Variants in DCLRE1A observed in about 807,000 individuals in gnomAD.
DCLRE1A encodes DNA cross-link repair 1A, also known as DNA cross-link repair 1A protein.
DCLRE1A carries 64 observed loss-of-function variants against 91.9 expected under a neutral mutation model. That is an observed-to-expected ratio of 0.70 (90% confidence interval 0.57 to 0.86). The LOEUF (loss-of-function observed/expected upper bound fraction) is 0.86. DCLRE1A is among the 40% of genes least tolerant of loss of function. The probability of loss-of-function intolerance (pLI) is 0.00; values close to 1 mark genes in which losing one functional copy is unlikely to be tolerated. For synonymous variants in DCLRE1A, 416 were observed against 431.1 expected, an observed-to-expected ratio of 0.96 and a Z score of 0.43; for missense variants, 1,145 against 1,213.3, an observed-to-expected ratio of 0.94 and a Z score of 0.84.
intron 8 of DCLRE1A, 97 bp downstream of exon 8, chr10:113,836,965 G>T: frequency 9.6e-7 from 1 of 1,045,808 alleles, no homozygotes; most frequent in Non-Finnish European, 1.3e-6. Context: ...TAAATTCTTT[G>T]GTGCCTGTTT....
intron 1 of DCLRE1A, 68 bp downstream of exon 1, chr10:113,852,655 T>C: frequency 8.4e-6 from 12 of 1,429,772 alleles, no homozygotes; most frequent in Non-Finnish European, 1.1e-5. Flanking sequence ...TTTCACTGAA[T>C]TGGTATGTCT....
chr10:113,848,180 T>G (rs17235122), intron 2 of DCLRE1A, among the ~76,000 whole-genome samples: 2,635 of 151,816 alleles, frequency 0.017, 67 homozygotes, highest in African/African-American at 0.058. Context: ...AGCCGGGCGT[T>G]GTGGCGGGTG....
intron 3 of DCLRE1A, among the ~76,000 whole-genome samples, 159 bp downstream of exon 3, chr10:113,847,043 C>A (rs1845549365): frequency 6.6e-6 from 1 of 152,154 alleles, no homozygotes; most frequent in Non-Finnish European, 1.5e-5. Context: ...AACTTGACAT[C>A]AACTCGTTTT....
chr10:113,841,893 G>T (rs1845451582), intron 6 of DCLRE1A, among the ~76,000 whole-genome samples: 1 of 152,070 alleles, frequency 6.6e-6, no homozygotes, highest in African/African-American at 2.4e-5. Context: ...GATATAATGT[G>T]GCCATACGTA....
chr10:113,835,149 T>G lies in DCLRE1A; in HGVS notation c.*3A>C. On this transcript the variant is annotated 3_prime_UTR_variant, in exon 9 of 9. Transcript: ENST00000361384. ...AACTACTACTGAATCCTCGGAGGTA[T>G]CATCAATATCCAGCTTCCAATTTCC... 6.2e-7 allele frequency: 1 copy of G among 1,612,536 alleles called. No individual in the cohort carries two copies. Among genetic ancestry groups the G allele is most frequent in the East Asian group, 2.2e-5 (1 of 44,840 alleles).
Position 113,845,795 on chromosome 10 carries a change from G to T in DCLRE1A, c.2268C>A (p.Gly756=). Residue 756 remains glycine, a synonymous_variant, in exon 4 of 9, where the codon GGC becomes GGA. Coordinates refer to ENST00000361384, the MANE Select transcript of DCLRE1A (RefSeq NM_014881.5). ...CATGAAGCTTGTTCTTCAACAAATT[G>T]CCAGTTATCTGCAAAACAGGACGTG... ...TFPVYCSEIT[G]NLLKNKLHVQ... The T allele has an allele frequency of 6.2e-7, 1 of 1,613,882 alleles. No homozygotes were observed. Among genetic ancestry groups the T allele is most frequent in the Non-Finnish European group, 8.5e-7 (1 of 1,179,832 alleles).
intron 2 of DCLRE1A, among the ~76,000 whole-genome samples, chr10:113,847,804 C>A (rs909078855): frequency 6.6e-6 from 1 of 151,064 alleles, no homozygotes; most frequent in Non-Finnish European, 1.5e-5. Flanking sequence ...TTTTGCTGCA[C>A]AGTCGAACTA....
chr10:113,850,107 C>T lies in DCLRE1A; in HGVS notation c.998G>A (p.Ser333Asn), dbSNP rs1161946655. Residue 333 changes from serine to asparagine, a missense_variant, in exon 2 of 9, where the codon AGC (serine) becomes AAC (asparagine). Coordinates refer to ENST00000361384, the MANE Select transcript of DCLRE1A (RefSeq NM_014881.5). ...ACAGCTGTCATCATCTTCTTCGAGG[C>T]TGCCATCTTTTGAGCTTTCGGTAAA... ...LFFTESSKDGSLEEDDDSCGF... is the reference protein window; with the variant it reads ...LFFTESSKDGNLEEDDDSCGF... 1 of 1,614,006 alleles carries T rather than the reference C, an allele frequency of 6.2e-7. No individual in the cohort carries two copies.
At chr10:113,852,152 C>T (rs1048778054) in intron 1 of DCLRE1A, among the ~76,000 whole-genome samples, 1 of 152,130 alleles carries the variant, frequency 6.6e-6, no homozygotes, top group Non-Finnish European at 1.5e-5. Flanking sequence ...CTGGCTAACA[C>T]GGCGAAACCC....
intron 7 of DCLRE1A, among the ~76,000 whole-genome samples, chr10:113,839,324 CAAAAAAAAAAAA>C (rs35405311): frequency 1.1e-4 from 7 of 61,240 alleles, no homozygotes; most frequent in African/African-American, 1.5e-4. Flanking sequence ...GACCCTGTCT[CAAAAAAAAAAAA>C]AAAAAAAAAA....
intron 4 of DCLRE1A, among the ~76,000 whole-genome samples, chr10:113,844,558 T>C (rs1333492761): frequency 6.6e-6 from 1 of 152,234 alleles, no homozygotes; most frequent in Non-Finnish European, 1.5e-5. Flanking sequence ...GACTGTTTTG[T>C]ATGCCTGAGA....
chr10:113,835,079 C>T lies in DCLRE1A; in HGVS notation c.*73G>A, dbSNP rs1293620219. 5.7e-6 allele frequency: 8 copies of T among 1,415,918 alleles called. No individual in the cohort carries two copies. In the East Asian group the frequency reaches 1.2e-4, roughly 21 times the overall value. The allele number at this position is 1,415,918 out of a possible 1,614,324, so 87.7% of individuals were successfully genotyped here. A position where few individuals can be genotyped will look rare whatever the true frequency, so the allele number is the denominator to read the frequency against. On this transcript the variant is annotated 3_prime_UTR_variant, in exon 9 of 9. Transcript: ENST00000361384. ...GTTTTTCCACACAAAGTGTATTTCA[C>T]ATTTCTATAGATTTAACTACTAACA...
rs1845684737 is a variant in DCLRE1A at position 113,853,013 on chromosome 10, G to C, written c.170C>G (p.Ala57Gly). Reference sequence around the variant, plus strand: ...CACTTCATGGTCCTTCACCTCTTTAGCTTCTGCGGCTCTTTTTCTGTTTCT... The same window carrying C: ...CACTTCATGGTCCTTCACCTCTTTACCTTCTGCGGCTCTTTTTCTGTTTCT... Reference protein sequence around the residue: ...RSRNRKRAAEAKEVKDHEVPL... With the variant: ...RSRNRKRAAEGKEVKDHEVPL... The change falls in exon 1 of 9, where the codon GCT (alanine) becomes GGT (glycine). Residue 57 changes from alanine to glycine, a missense_variant. Transcript: ENST00000361384. 1 of 1,613,772 alleles carries C rather than the reference G, an allele frequency of 6.2e-7. No individual in the cohort carries two copies. The highest frequency in any genetic ancestry group is 1.7e-5 in the Admixed American group (1 of 59,954).
At position 113,837,062 on chromosome 10, in the gene DCLRE1A, C is replaced by A; in HGVS notation, c.2962G>T (p.Gly988Ter). ...AAGTGAGAAAATTTAATAACTATAC[C>A]ATATATTGAAATGTTTCCTTTGGTC... ...PQTKGNISIY[G>*]IPYSEHSSYL... The change falls in exon 8 of 9, where the codon GGA (glycine) becomes TGA (stop). Residue 988 changes from glycine to a stop codon, truncating the protein, a stop_gained and splice_region_variant. Transcript: ENST00000361384. LOFTEE classifies it high-confidence loss of function. 1.3e-6 allele frequency: 2 copies of A among 1,597,336 alleles called. No homozygotes were observed. The highest frequency in any genetic ancestry group is 1.8e-5 in the Admixed American group (1 of 56,882).
At chr10:113,845,506 T>C (rs1337500124) in intron 4 of DCLRE1A, among the ~76,000 whole-genome samples, 179 bp downstream of exon 4, 1 of 152,236 alleles carries the variant, frequency 6.6e-6, no homozygotes, top group Non-Finnish European at 1.5e-5. Context: ...AAGATCCCTT[T>C]ACTTTTCATC....
chr10:113,842,274 A>G, intron 6 of DCLRE1A, 69 bp downstream of exon 6: 1 of 1,291,778 alleles, frequency 7.7e-7, no homozygotes, highest in Non-Finnish European at 1.1e-6. Flanking sequence ...AGAAACTGAA[A>G]GGGCATTATG....
At chr10:113,841,804 G>A (rs886566187) in intron 6 of DCLRE1A, among the ~76,000 whole-genome samples, 1 of 152,154 alleles carries the variant, frequency 6.6e-6, no homozygotes, top group Non-Finnish European at 1.5e-5. Context: ...CTGCAAAAGT[G>A]TATAGAAAGT....
intron 2 of DCLRE1A, among the ~76,000 whole-genome samples, chr10:113,847,580 A>T (rs1021120730): frequency 1.3e-5 from 2 of 152,218 alleles, no homozygotes; most frequent in African/African-American, 4.8e-5. Context: ...AAATTTTTTT[A>T]AATTCTAGGT....
chr10:113,840,914 C>T (rs1416451765), intron 7 of DCLRE1A, among the ~76,000 whole-genome samples: 2 of 152,134 alleles, frequency 1.3e-5, no homozygotes, highest in Non-Finnish European at 2.9e-5. Flanking sequence ...TTAACTTACA[C>T]CTTGGAACTA....
Sources: allele counts gnomAD v4.1 joint callset (sites outside exome capture counted in the v4.1 genomes callset), GRCh38; gene constraint gnomAD v4.1.1; transcripts MANE v1.5; gene names NCBI Gene and HGNC (gene_info 2026-07-23, HGNC 2026-07-21).